The following GREB1L variants were observed in gnomAD, a reference collection of about 807,000 sequenced individuals.
GREB1L encodes the protein GREB1-like protein.
A neutral mutation model predicts 200.8 loss-of-function variants in GREB1L; 17 were observed. That is an observed-to-expected ratio of 0.08 (90% confidence interval 0.06 to 0.13). The LOEUF (loss-of-function observed/expected upper bound fraction) is 0.13, where lower values mean the gene tolerates loss of function less well. Among genes scored for constraint, GREB1L ranks in the 10% least tolerant of loss-of-function variants. GREB1L has a pLI of 1.00. For synonymous variants in GREB1L, 789 were observed against 893.0 expected, an observed-to-expected ratio of 0.88 and a Z score of 2.08; for missense variants, 1,657 against 2,367.7, an observed-to-expected ratio of 0.70 and a Z score of 6.23.
chr18:21,330,129 T>C (rs956342293), intron 1 of GREB1L, among the ~76,000 whole-genome samples: 7 of 152,150 alleles, frequency 4.6e-5, no homozygotes, highest in African/African-American at 1.7e-4. Context: ...AATTGCTCTG[T>C]TGGCTGGGCA....
At chr18:21,331,145 T>C (rs1325315095) in intron 1 of GREB1L, among the ~76,000 whole-genome samples, 4 of 152,334 alleles carry the variant, frequency 2.6e-5, no homozygotes, top group African/African-American at 9.6e-5. Context: ...AATGGTTGAA[T>C]TGGTGACTAT....
At chr18:21,480,512 T>C (rs567349740) in intron 17 of GREB1L, among the ~76,000 whole-genome samples, 1 of 151,998 alleles carries the variant, frequency 6.6e-6, no homozygotes, top group Non-Finnish European at 1.5e-5. Flanking sequence ...GAAATTGAGA[T>C]CAACATGGGA....
At position 21,399,090 on chromosome 18, in the gene GREB1L, C is replaced by T. The variant is rs147031760; in HGVS notation, c.533-2060C>T. On this transcript the variant is annotated intron_variant, in intron 5 of 32. Coordinates refer to ENST00000424526, the MANE Select transcript of GREB1L (RefSeq NM_001142966.3). ...TTCCTCTTCACACTCTTGCTTTTCACCTCAGAATAGACAGAGGAAAAGATC... is the reference window on the plus strand; with the variant it reads ...TTCCTCTTCACACTCTTGCTTTTCATCTCAGAATAGACAGAGGAAAAGATC... Among the ~76,000 whole-genome samples the T allele has an allele frequency of 7.9e-5, 12 of 152,314 alleles. No homozygotes were observed. The East Asian group carries it at 9.6e-4, about 12-fold the overall frequency.
intron 2 of GREB1L, among the ~76,000 whole-genome samples, chr18:21,374,920 A>G (rs1301027662): frequency 1.4e-5 from 2 of 144,582 alleles, no homozygotes; most frequent in Non-Finnish European, 3.0e-5. Flanking sequence ...TGGCATGATC[A>G]TGACTCACTG....
chr18:21,470,132 A>G (rs980874578), intron 15 of GREB1L, among the ~76,000 whole-genome samples: 6 of 151,956 alleles, frequency 3.9e-5, no homozygotes, highest in Non-Finnish European at 8.8e-5. Flanking sequence ...TTAAAAAAAA[A>G]AAAATCTTAG....
chr18:21,403,194 C>T (rs1401115443), intron 6 of GREB1L, among the ~76,000 whole-genome samples: 1 of 152,148 alleles, frequency 6.6e-6, no homozygotes, highest in Non-Finnish European at 1.5e-5. Flanking sequence ...AACAGTCCCA[C>T]AGGCTGTCAT....
intron 1 of GREB1L, among the ~76,000 whole-genome samples, chr18:21,252,498 G>C (rs1211114172): frequency 6.9e-6 from 1 of 144,344 alleles, no homozygotes; most frequent in African/African-American, 2.6e-5. Flanking sequence ...CGGAGGTTGC[G>C]GTGAGCCGAG....
At chr18:21,340,888 A>T (rs1449917314) in intron 1 of GREB1L, among the ~76,000 whole-genome samples, 1 of 152,226 alleles carries the variant, frequency 6.6e-6, no homozygotes, top group Non-Finnish European at 1.5e-5. Flanking sequence ...TCTATAAAGT[A>T]GAGAAGTGTG....
intron 1 of GREB1L, among the ~76,000 whole-genome samples, chr18:21,287,189 G>T (rs2144531524): frequency 6.6e-6 from 1 of 151,926 alleles, no homozygotes; most frequent in South Asian, 2.1e-4. Flanking sequence ...AAACAGAAAA[G>T]AAATAGAATA....
At chr18:21,284,390 A>G (rs1261247209) in intron 1 of GREB1L, among the ~76,000 whole-genome samples, 2 of 152,190 alleles carry the variant, frequency 1.3e-5, no homozygotes, top group Non-Finnish European at 2.9e-5. Context: ...CTCTATAGAT[A>G]TGCCTATTCT....
chr18:21,275,874 G>T (rs1164529119), intron 1 of GREB1L, among the ~76,000 whole-genome samples: 1 of 152,158 alleles, frequency 6.6e-6, no homozygotes, highest in African/African-American at 2.4e-5. Flanking sequence ...TACAGTGACG[G>T]AGTTGAATGT....
intron 1 of GREB1L, among the ~76,000 whole-genome samples, chr18:21,326,014 A>G: frequency 6.6e-6 from 1 of 152,072 alleles, no homozygotes; most frequent in South Asian, 2.1e-4. Context: ...TAAACTTTAC[A>G]TAATGTATAT....
chr18:21,275,539 G>A lies in GREB1L; in HGVS notation c.-120+33146G>A, dbSNP rs568983047. On this transcript the variant is annotated intron_variant, in intron 1 of 32. Coordinates refer to ENST00000424526, the MANE Select transcript of GREB1L (RefSeq NM_001142966.3). ...GTGGTGGTGCTCGCCTGTAATCCCA[G>A]CTACTCGGGAGGCTGAGGCAGGGGA... Among the ~76,000 whole-genome samples, 10 of 152,118 alleles carry A rather than the reference G, an allele frequency of 6.6e-5. No individual in the cohort carries two copies. In the East Asian group the frequency reaches 1.9e-3, roughly 30 times the overall value.
chr18:21,482,587 A>G (rs2035962168), intron 17 of GREB1L, among the ~76,000 whole-genome samples: 1 of 149,082 alleles, frequency 6.7e-6, no homozygotes, highest in Admixed American at 6.7e-5. Flanking sequence ...TGGAGGGCAG[A>G]TGAGACTGAC....
intron 7 of GREB1L, among the ~76,000 whole-genome samples, chr18:21,408,198 T>G (rs1282206954): frequency 2.0e-5 from 3 of 152,204 alleles, no homozygotes; most frequent in African/African-American, 7.2e-5. Context: ...CATTACATAT[T>G]GTATGCATGT....
intron 7 of GREB1L, among the ~76,000 whole-genome samples, chr18:21,426,741 G>A (rs1400008367): frequency 6.6e-6 from 1 of 151,836 alleles, no homozygotes; most frequent in Non-Finnish European, 1.5e-5. Context: ...GGCGGATCAC[G>A]AGGTCAGGAG....
At chr18:21,347,266 A>G (rs13380950) in intron 1 of GREB1L, among the ~76,000 whole-genome samples, 29,844 of 151,022 alleles carry the variant, frequency 0.2, 7,079 homozygotes, top group African/African-American at 0.57. Flanking sequence ...GCAACAGAGC[A>G]AGACTCCGTC....
intron 1 of GREB1L, among the ~76,000 whole-genome samples, chr18:21,351,613 A>C (rs755323942): frequency 3.3e-5 from 5 of 151,344 alleles, no homozygotes; most frequent in Non-Finnish European, 4.4e-5. Context: ...TGGGCTTGTT[A>C]TTGTTGGGGA....
At chr18:21,285,780 A>G (rs1252166847) in intron 1 of GREB1L, among the ~76,000 whole-genome samples, 3 of 152,234 alleles carry the variant, frequency 2.0e-5, no homozygotes, top group Admixed American at 2.0e-4. Flanking sequence ...TGCCATACTA[A>G]GTTGTTATCT....
Sources: allele counts gnomAD v4.1 joint callset (sites outside exome capture counted in the v4.1 genomes callset), GRCh38; gene constraint gnomAD v4.1.1; transcripts MANE v1.5; gene names NCBI Gene and HGNC (gene_info 2026-07-23, HGNC 2026-07-21).